ARHGEF4: variants seen among roughly 807,000 people sequenced by gnomAD.
ARHGEF4 encodes the protein Rho guanine nucleotide exchange factor 4.
In ARHGEF4, 119 loss-of-function variants were observed where a neutral mutation model predicts 162.0. The observed-to-expected ratio is 0.73, with a 90% CI of 0.63 to 0.86. The LOEUF is 0.86. Ranked by LOEUF, ARHGEF4 falls within the 40% of genes least tolerant of loss-of-function variation. ARHGEF4 has a pLI of 0.00. For missense variants in ARHGEF4, 2,488 were observed against 2,456.0 expected, an observed-to-expected ratio of 1.01 and a Z score of -0.28; for synonymous variants, 1,014 against 979.9, an observed-to-expected ratio of 1.03 and a Z score of -0.65.
rs1004872151 is a variant in ARHGEF4, at chr2:131,009,094, C to T, written c.3986-18851C>T. ...TTTCTTGTAGTAATCATTTGCTGGTCAATGATTCTCTTAGCTTTCATTTTT... is the reference window on the plus strand; with the variant it reads ...TTTCTTGTAGTAATCATTTGCTGGTTAATGATTCTCTTAGCTTTCATTTTT... On this transcript the variant is annotated intron_variant, in intron 4 of 13. Transcript: ENST00000409359. Among the ~76,000 whole-genome samples, 6 of 152,330 alleles carry T rather than the reference C, an allele frequency of 3.9e-5. No individual in the cohort carries two copies. In the South Asian group the frequency reaches 1.2e-3, roughly 32 times the overall value.
rs534920257 is a variant in ARHGEF4 at position 130,883,199 on chromosome 2, T to G, written c.40-30787T>G. ...GACAGTGAGGATTTGTTGAACTGAC[T>G]GGGTGGACCCACAGCATCTTCTCAC... On this transcript the variant is annotated intron_variant, in intron 1 of 13. Coordinates refer to ENST00000409359, the MANE Select transcript of ARHGEF4 (RefSeq NM_001367493.1). 2.0e-5 allele frequency among the ~76,000 whole-genome samples: 3 copies of G among 152,244 alleles called. No homozygotes were observed. The East Asian group carries it at 5.8e-4, about 29-fold the overall frequency.
chr2:131,016,320 G>T (rs1688774643), intron 4 of ARHGEF4, among the ~76,000 whole-genome samples: 1 of 152,146 alleles, frequency 6.6e-6, no homozygotes, highest in South Asian at 2.1e-4. Context: ...TCAGAACCCT[G>T]CGTGTGTCTG....
At chr2:130,957,142 T>G (rs1471993575) in intron 4 of ARHGEF4, among the ~76,000 whole-genome samples, 1 of 151,880 alleles carries the variant, frequency 6.6e-6, no homozygotes, top group Non-Finnish European at 1.5e-5. Flanking sequence ...AGTTTTTTGT[T>G]TTTTACATTT....
intron 13 of ARHGEF4, 196 bp downstream of exon 13, chr2:131,045,642 TCTTA>T: frequency 6.6e-7 from 1 of 1,522,074 alleles, no homozygotes. Flanking sequence ...TGGTTGACAT[TCTTA>T]CTCTCAACAC....
chr2:130,941,768 A>T (rs532402220), intron 3 of ARHGEF4, among the ~76,000 whole-genome samples: 1 of 152,274 alleles, frequency 6.6e-6, no homozygotes, highest in Admixed American at 6.5e-5. Flanking sequence ...TTCACATTCC[A>T]TAGGCTAAGG....
chr2:130,870,915 C>T (rs2104931420), intron 1 of ARHGEF4, among the ~76,000 whole-genome samples: 1 of 152,274 alleles, frequency 6.6e-6, no homozygotes, highest in Admixed American at 6.5e-5. Flanking sequence ...GCCTCCTCAG[C>T]TCTCCTAGAT....
chr2:130,991,256 T>TAGC (rs1312727567), intron 4 of ARHGEF4, among the ~76,000 whole-genome samples: 1 of 152,228 alleles, frequency 6.6e-6, no homozygotes, highest in African/African-American at 2.4e-5. Flanking sequence ...ACCTGCTTAT[T>TAGC]AGCAGTATTG....
chr2:130,873,490 G>A (rs1291615109), intron 1 of ARHGEF4, among the ~76,000 whole-genome samples: 1 of 147,174 alleles, frequency 6.8e-6, no homozygotes, highest in Non-Finnish European at 1.5e-5. Context: ...TCGGGAGGCT[G>A]AGGCAGGAGA....
chr2:131,043,369 C>T (rs1573712028), intron 10 of ARHGEF4, 83 bp from the exon 11 acceptor site: 9 of 1,570,980 alleles, frequency 5.7e-6, no homozygotes, highest in East Asian at 4.5e-5. Flanking sequence ...GGGGGAGGTG[C>T]GCCACCCACC....
chr2:130,907,635 G>A (rs1680908202), intron 1 of ARHGEF4, among the ~76,000 whole-genome samples: 2 of 152,056 alleles, frequency 1.3e-5, no homozygotes, highest in African/African-American at 2.4e-5. Flanking sequence ...TGGAGATTAT[G>A]ACTGGTATGT....
At chr2:130,848,549 G>T (rs1290776449) in intron 1 of ARHGEF4, among the ~76,000 whole-genome samples, 1 of 152,158 alleles carries the variant, frequency 6.6e-6, no homozygotes, top group Non-Finnish European at 1.5e-5. Context: ...CACCTCCTGC[G>T]TGGCATTCCC....
chr2:130,949,259 CTTG>C (rs1418234717), intron 4 of ARHGEF4, among the ~76,000 whole-genome samples: 1 of 152,108 alleles, frequency 6.6e-6, no homozygotes, highest in Non-Finnish European at 1.5e-5. Context: ...GTAAAATTTT[CTTG>C]TTATTTCCAA....
chr2:130,962,834 G>A (rs1684712607), intron 4 of ARHGEF4, among the ~76,000 whole-genome samples: 1 of 152,054 alleles, frequency 6.6e-6, no homozygotes, highest in Admixed American at 6.6e-5. Context: ...GGCAGTAAGG[G>A]GAAGGCCATC....
chr2:131,027,853 G>A, intron 4 of ARHGEF4, 92 bp from the exon 5 acceptor site: 4 of 1,492,092 alleles, frequency 2.7e-6, no homozygotes, highest in Non-Finnish European at 3.7e-6. Context: ...AGAAGCATTT[G>A]TCCTGAACCC....
chr2:130,974,970 T>C (rs1685604004), intron 4 of ARHGEF4, among the ~76,000 whole-genome samples: 1 of 152,142 alleles, frequency 6.6e-6, no homozygotes, highest in Non-Finnish European at 1.5e-5. Context: ...CAGTATATTA[T>C]TTGATACTAA....
At chr2:131,004,828 T>G (rs1688014305) in intron 4 of ARHGEF4, among the ~76,000 whole-genome samples, 1 of 152,218 alleles carries the variant, frequency 6.6e-6, no homozygotes, top group African/African-American at 2.4e-5. Flanking sequence ...TACTCCAGTG[T>G]CTGGTGTGGG....
intron 4 of ARHGEF4, among the ~76,000 whole-genome samples, chr2:131,003,294 G>T (rs1353570177): frequency 6.6e-6 from 1 of 152,138 alleles, no homozygotes; most frequent in African/African-American, 2.4e-5. Context: ...TAAAACAATG[G>T]CCATTCCTGT....
At chr2:131,044,018 C>T (rs201722581) in intron 11 of ARHGEF4, among the ~76,000 whole-genome samples, 7 of 152,262 alleles carry the variant, frequency 4.6e-5, no homozygotes, top group East Asian at 1.9e-4. Context: ...ATCTTTCCTA[C>T]GTGTGGTGTG....
chr2:130,981,292 A>G (rs898501085), intron 4 of ARHGEF4, among the ~76,000 whole-genome samples: 1 of 152,216 alleles, frequency 6.6e-6, no homozygotes, highest in African/African-American at 2.4e-5. Context: ...AACCAAATAA[A>G]TGCCTTCTAC....
Sources: gnomAD v4.1 joint callset for allele counts (sites outside exome capture counted in the v4.1 genomes callset) on GRCh38, gnomAD v4.1.1 for gene constraint, MANE v1.5 for transcripts, NCBI Gene and HGNC (gene_info 2026-07-23, HGNC 2026-07-21) for gene names.